SHROOM3: variants seen among roughly 807,000 people sequenced by gnomAD.
The protein encoded by SHROOM3 is shroom family member 3, also known as protein Shroom3.
Under a neutral mutation model 138.6 loss-of-function variants are expected in SHROOM3, and 47 were observed. The ratio of observed to expected loss-of-function variants is 0.34; its 90% CI spans 0.27 to 0.43. SHROOM3 has a LOEUF of 0.43. Among genes scored for constraint, SHROOM3 ranks in the 20% least tolerant of loss-of-function variants. The pLI is 1.00. For missense variants in SHROOM3, 2,491 were observed against 2,596.5 expected, an observed-to-expected ratio of 0.96 and a Z score of 0.88; for synonymous variants, 1,062 against 1,063.3, an observed-to-expected ratio of 1.00 and a Z score of 0.02.
rs191458615 is a variant in SHROOM3 at position 76,498,364 on chromosome 4, G to A, written c.169-57245G>A. 4.4e-4 allele frequency among the ~76,000 whole-genome samples: 67 copies of A among 152,146 alleles called. No individual in the cohort carries two copies. In the East Asian group the frequency reaches 0.01, roughly 24 times the overall value. The stretch of plus-strand genomic sequence containing the variant: ...AGATAGATTAACAGAGAGAGGGAGG[G>A]AGAAAGAAAGAGAGAGAGAATAGAT... On this transcript the variant is annotated intron_variant, in intron 1 of 10. Coordinates refer to ENST00000296043, the MANE Select transcript of SHROOM3 (RefSeq NM_020859.4).
chr4:76,606,159 G>A (rs1381538086), intron 2 of SHROOM3, among the ~76,000 whole-genome samples: 7 of 149,380 alleles, frequency 4.7e-5, no homozygotes, highest in Admixed American at 1.3e-4. Context: ...TATTACAGGC[G>A]CCTGCCACCA....
chr4:76,522,132 G>A (rs1187471022), intron 1 of SHROOM3, among the ~76,000 whole-genome samples: 5 of 148,914 alleles, frequency 3.4e-5, no homozygotes, highest in Non-Finnish European at 5.9e-5. Context: ...TAAATACAGT[G>A]AATGATCCCT....
intron 2 of SHROOM3, among the ~76,000 whole-genome samples, chr4:76,620,258 C>T (rs184648825): frequency 2.8e-3 from 421 of 151,926 alleles, no homozygotes; most frequent in Non-Finnish European, 4.4e-3. Flanking sequence ...TGATTTTGGT[C>T]TTGGAGAGGT....
At position 76,625,828 on chromosome 4, in the gene SHROOM3, T is replaced by C. The variant is rs557706458; in HGVS notation, c.323+70065T>C. On this transcript the variant is annotated intron_variant, in intron 2 of 10. Transcript: ENST00000296043. ...ACCATATTGTATTTAAACTTCTCTCTTCCTTTTTAGACTCTAAGCAACTTG... is the reference window on the plus strand; with the variant it reads ...ACCATATTGTATTTAAACTTCTCTCCTCCTTTTTAGACTCTAAGCAACTTG... Among the ~76,000 whole-genome samples the C allele has an allele frequency of 1.1e-4, 16 of 152,352 alleles. No homozygotes were observed. In the East Asian group the frequency reaches 2.1e-3, roughly 20 times the overall value.
chr4:76,440,240 A>G (rs1476650499), intron 1 of SHROOM3, among the ~76,000 whole-genome samples: 1 of 152,228 alleles, frequency 6.6e-6, no homozygotes, highest in East Asian at 1.9e-4. Flanking sequence ...AGAGAGGGTA[A>G]CACTCTTATC....
intron 1 of SHROOM3, among the ~76,000 whole-genome samples, chr4:76,447,576 T>A (rs187938293): frequency 1.3e-5 from 2 of 152,190 alleles, no homozygotes; most frequent in Non-Finnish European, 2.9e-5. Context: ...GTGTGCAAAC[T>A]TTTGAGAATG....
intron 2 of SHROOM3, among the ~76,000 whole-genome samples, chr4:76,608,651 CAT>C (rs1734687194): frequency 1.7e-4 from 4 of 23,058 alleles, no homozygotes; most frequent in African/African-American, 2.7e-4. Context: ...CATAGCATAG[CAT>C]AGCATAGCAT....
chr4:76,681,080 A>G (rs755090691), intron 2 of SHROOM3, among the ~76,000 whole-genome samples: 6 of 152,228 alleles, frequency 3.9e-5, no homozygotes, highest in Non-Finnish European at 8.8e-5. Flanking sequence ...ATCTTCCACC[A>G]TCTGCCTCTC....
At chr4:76,530,069 G>A (rs960163126) in intron 1 of SHROOM3, among the ~76,000 whole-genome samples, 1 of 152,234 alleles carries the variant, frequency 6.6e-6, no homozygotes, top group South Asian at 2.1e-4. Flanking sequence ...TTCTCTTGAA[G>A]TGTTCAGTAA....
intron 2 of SHROOM3, chr4:76,586,537 A>G: frequency 1.1e-6 from 1 of 935,716 alleles, no homozygotes; most frequent in Non-Finnish European, 1.3e-6. Flanking sequence ...CAGAAATGCC[A>G]GCATTGGGAA....
At chr4:76,536,457 G>A (rs996799689) in intron 1 of SHROOM3, among the ~76,000 whole-genome samples, 9 of 152,052 alleles carry the variant, frequency 5.9e-5, no homozygotes, top group Admixed American at 3.3e-4. Context: ...CATTCCCAGC[G>A]AAATCTTAAC....
chr4:76,593,138 A>G (rs1442471090), intron 2 of SHROOM3, among the ~76,000 whole-genome samples: 2 of 152,194 alleles, frequency 1.3e-5, no homozygotes, highest in Admixed American at 1.3e-4. Context: ...GAACCACCAT[A>G]AGTGATTTGG....
At chr4:76,651,172 A>C (rs1206711437) in intron 2 of SHROOM3, among the ~76,000 whole-genome samples, 1 of 152,018 alleles carries the variant, frequency 6.6e-6, no homozygotes, top group Non-Finnish European at 1.5e-5. Context: ...AGGATGGTTA[A>C]TGGGTAAAAA....
Position 76,740,926 on chromosome 4 carries a change from C to T in SHROOM3, c.2753C>T (p.Ala918Val). The change falls in exon 5 of 11, where the codon GCC becomes GTC. Residue 918 changes from alanine to valine, a missense_variant. By Grantham distance (64) the Ala-to-Val change is moderately conservative (BLOSUM62 0). Transcript: ENST00000296043. The surrounding 1 kb of genome is among the most constrained non-coding windows in gnomAD (Gnocchi z 4.0). ...PGSPESPLLD[A>V]PFSRAYRNSI... ...TCGCCCGAATCGCCCCTGCTGGATG[C>T]CCCCTTCAGCCGCGCCTACCGGAAC... The T allele has an allele frequency of 1.7e-5, 25 of 1,496,826 alleles. No individual in the cohort carries two copies. Among genetic ancestry groups the T allele is most frequent in the Non-Finnish European group, 2.2e-5 (25 of 1,126,276 alleles). 92.7% of individuals were successfully genotyped at this position (1,496,826 alleles called of 1,614,324 possible). A position where few individuals can be genotyped will look rare whatever the true frequency, so the allele number is the denominator to read the frequency against.
chr4:76,606,401 G>T (rs150738514), intron 2 of SHROOM3, among the ~76,000 whole-genome samples: 27 of 149,498 alleles, frequency 1.8e-4, no homozygotes, highest in Admixed American at 4.0e-4. Context: ...CTGAATGTTG[G>T]TTTTTTATCT....
At chr4:76,535,506 A>G (rs1732932571) in intron 1 of SHROOM3, among the ~76,000 whole-genome samples, 2 of 152,228 alleles carry the variant, frequency 1.3e-5, no homozygotes, top group Non-Finnish European at 2.9e-5. Flanking sequence ...AGTTATGGTG[A>G]TCTTGATGAC....
intron 1 of SHROOM3, among the ~76,000 whole-genome samples, chr4:76,460,440 A>G (rs1731116403): frequency 6.6e-6 from 1 of 152,196 alleles, no homozygotes; most frequent in Non-Finnish European, 1.5e-5. Flanking sequence ...TTAAATCCAT[A>G]TTACATCTTT....
intron 1 of SHROOM3, among the ~76,000 whole-genome samples, chr4:76,460,604 C>T (rs932192077): frequency 2.6e-5 from 4 of 151,876 alleles, no homozygotes; most frequent in Non-Finnish European, 5.9e-5. Context: ...AGGACTTTGT[C>T]CTAAGTTTGC....
At chr4:76,756,405 T>TTCTCTCTC (rs11383066) in intron 7 of SHROOM3, 44 bp from the exon 8 acceptor site, 15 of 1,480,012 alleles carry the variant, frequency 1.0e-5, no homozygotes, top group African/African-American at 8.7e-5. Flanking sequence ...CACTCTCTCT[T>TTCTCTCTC]TCTCTCTCTC....
Sources: allele counts gnomAD v4.1 joint callset (sites outside exome capture counted in the v4.1 genomes callset), GRCh38; gene constraint gnomAD v4.1.1; non-coding constraint Gnocchi (gnomAD v3.1); transcripts MANE v1.5; gene names NCBI Gene and HGNC (gene_info 2026-07-23, HGNC 2026-07-21).